Variants in IGSF10 observed in about 807,000 individuals in gnomAD.
IGSF10 encodes immunoglobulin superfamily member 10, also known as calvaria mechanical force protein 608.
Under a neutral mutation model 128.2 loss-of-function variants are expected in IGSF10, and 126 were observed. The observed-to-expected ratio is 0.98, with a 90% CI of 0.85 to 1.14. The LOEUF (loss-of-function observed/expected upper bound fraction) is 1.14, where lower values mean the gene tolerates loss of function less well. Ranked by LOEUF, IGSF10 falls within the 50% of genes most tolerant of loss-of-function variation. The pLI is 0.00. For synonymous variants in IGSF10, 1,185 were observed against 1,146.2 expected, an observed-to-expected ratio of 1.03 and a Z score of -0.68; for missense variants, 3,295 against 3,149.8, an observed-to-expected ratio of 1.05 and a Z score of -1.10.
the IGSF10 span, among the ~76,000 whole-genome samples, chr3:151,543,886 C>G: frequency 6.6e-6 from 1 of 152,146 alleles, no homozygotes. Context: ...CTCCCTACCC[C>G]TAAGTGCTCA....
chr3:151,526,494 CTT>C, the IGSF10 span, among the ~76,000 whole-genome samples: 3 of 152,058 alleles, frequency 2.0e-5, no homozygotes, highest in East Asian at 1.9e-4. Flanking sequence ...TGGGAAGTCT[CTT>C]TGAGTTCAGA....
the IGSF10 span, among the ~76,000 whole-genome samples, chr3:151,611,700 G>T: frequency 6.6e-6 from 1 of 152,112 alleles, no homozygotes; most frequent in East Asian, 1.9e-4. Context: ...ATGTGTGTTA[G>T]CCCAATAAAA....
At chr3:151,546,386 T>C in the IGSF10 span, among the ~76,000 whole-genome samples, 1 of 152,168 alleles carries the variant, frequency 6.6e-6, no homozygotes, top group Non-Finnish European at 1.5e-5. Flanking sequence ...TTTGCTCTGT[T>C]GCCTTGGCTT....
the IGSF10 span, among the ~76,000 whole-genome samples, chr3:151,593,027 T>C: frequency 3.3e-5 from 5 of 152,196 alleles, no homozygotes; most frequent in South Asian, 6.2e-4. Flanking sequence ...ACTGCTTTGG[T>C]TCCATTAGTC....
chr3:151,592,908 T>C, the IGSF10 span, among the ~76,000 whole-genome samples: 8 of 152,134 alleles, frequency 5.3e-5, no homozygotes, highest in Admixed American at 4.6e-4. Flanking sequence ...GCAATATTTA[T>C]CATATATTTA....
At chr3:151,573,672 C>T in the IGSF10 span, among the ~76,000 whole-genome samples, 1 of 152,172 alleles carries the variant, frequency 6.6e-6, no homozygotes, top group African/African-American at 2.4e-5. Context: ...TGGGTCTTGA[C>T]TCTTTATCCA....
chr3:151,604,074 AC>A, the IGSF10 span, among the ~76,000 whole-genome samples: 1 of 152,182 alleles, frequency 6.6e-6, no homozygotes, highest in Non-Finnish European at 1.5e-5. Context: ...AAAATTATAA[AC>A]CTTTTCCATT....
At chr3:151,512,998 G>A in the IGSF10 span, among the ~76,000 whole-genome samples, 1 of 152,160 alleles carries the variant, frequency 6.6e-6, no homozygotes, top group Non-Finnish European at 1.5e-5. Flanking sequence ...AAAAAGTCCA[G>A]GACCAGATGG....
chr3:151,599,594 C>T, the IGSF10 span, among the ~76,000 whole-genome samples: 1 of 152,066 alleles, frequency 6.6e-6, no homozygotes, highest in African/African-American at 2.4e-5. Flanking sequence ...AAAGCTTTTA[C>T]AAATTTTCAA....
the IGSF10 span, among the ~76,000 whole-genome samples, chr3:151,581,216 A>T: frequency 1.3e-5 from 2 of 152,088 alleles, no homozygotes; most frequent in Non-Finnish European, 2.9e-5. Context: ...ATTTGATACA[A>T]CCAGAAGTGA....
At position 151,445,414 on chromosome 3, in the gene IGSF10, C is replaced by T. The variant is rs1218238251; in HGVS notation, c.4567G>A (p.Ala1523Thr). The change falls in exon 6 of 8, where the codon GCA becomes ACA. Residue 1523 changes from alanine to threonine, a missense_variant. By Grantham distance (58) the Ala-to-Thr change is moderately conservative. Coordinates refer to ENST00000282466, the MANE Select transcript of IGSF10 (RefSeq NM_178822.5). ...TTTGGGTGAACCTTGGGGGATGTTG[C>T]AACCTCTGCTACTAATTGCTGTGGT... is the stretch of plus-strand genomic sequence containing the variant. ...AKPQQLVAEV[A>T]TSPKVHPNAK... 4 of 1,614,206 alleles carry T rather than the reference C, an allele frequency of 2.5e-6. No homozygotes were observed. The highest frequency in any genetic ancestry group is 3.4e-6 in the Non-Finnish European group (4 of 1,180,036).
chr3:151,497,231 T>G, the IGSF10 span, among the ~76,000 whole-genome samples: 2 of 152,214 alleles, frequency 1.3e-5, no homozygotes, highest in Non-Finnish European at 2.9e-5. Flanking sequence ...TTTGGTGTTT[T>G]AGACATGAAG....
the IGSF10 span, among the ~76,000 whole-genome samples, chr3:151,560,672 C>G: frequency 6.6e-6 from 1 of 151,062 alleles, no homozygotes; most frequent in Non-Finnish European, 1.5e-5. Context: ...ACTCATGTTA[C>G]AGATCTATAA....
chr3:151,484,396 C>T, the IGSF10 span, among the ~76,000 whole-genome samples: 1 of 152,196 alleles, frequency 6.6e-6, no homozygotes, highest in African/African-American at 2.4e-5. Flanking sequence ...TTAAATGTCC[C>T]TGACTGATGG....
the IGSF10 span, among the ~76,000 whole-genome samples, chr3:151,525,435 T>G: frequency 6.6e-6 from 1 of 152,276 alleles, no homozygotes; most frequent in Non-Finnish European, 1.5e-5. Context: ...TATTGCTGTG[T>G]AAGAAATTGC....
chr3:151,449,110 T>A lies in IGSF10; in HGVS notation c.871A>T (p.Lys291Ter). The A allele has an allele frequency of 6.2e-7, 1 of 1,614,156 alleles. No individual in the cohort carries two copies. Among genetic ancestry groups the A allele is most frequent in the Non-Finnish European group, 8.5e-7 (1 of 1,180,020 alleles). The change falls in exon 6 of 8, where the codon AAG becomes TAG. Residue 291 changes from lysine (K) to a stop codon, truncating the protein, a stop_gained. Coordinates refer to ENST00000282466, the MANE Select transcript of IGSF10 (RefSeq NM_178822.5). LOFTEE classifies it high-confidence loss of function. ...KPTIDSSLKS[K>*]SLTILEDSSS... ...CTGTCTTCCAGAATAGTCAGGCTCT[T>A]TGATTTCAGGGATGAGTCAATGGTT...
the IGSF10 span, among the ~76,000 whole-genome samples, chr3:151,484,413 G>A: frequency 6.6e-6 from 1 of 152,178 alleles, no homozygotes; most frequent in South Asian, 2.1e-4. Flanking sequence ...ATGGCTCTGA[G>A]AGCAGCGGAT....
At chr3:151,566,432 T>A in the IGSF10 span, among the ~76,000 whole-genome samples, 1 of 152,194 alleles carries the variant, frequency 6.6e-6, no homozygotes, top group South Asian at 2.1e-4. Flanking sequence ...TGTTATGCTA[T>A]AACAAACTCC....
the IGSF10 span, among the ~76,000 whole-genome samples, chr3:151,529,678 C>A: frequency 6.6e-6 from 1 of 152,106 alleles, no homozygotes; most frequent in African/African-American, 2.4e-5. Context: ...ATAAAAAGGA[C>A]GTCCACTCAG....
Sources: gnomAD v4.1 joint callset for allele counts (sites outside exome capture counted in the v4.1 genomes callset) on GRCh38, gnomAD v4.1.1 for gene constraint, MANE v1.5 for transcripts, NCBI Gene and HGNC (gene_info 2026-07-23, HGNC 2026-07-21) for gene names.